The following PLCB1 variants were observed in gnomAD, a reference collection of about 807,000 sequenced individuals.
PLCB1 encodes the protein 1-phosphatidylinositol 4,5-bisphosphate phosphodiesterase beta-1.
In PLCB1, 46 loss-of-function variants were observed where a neutral mutation model predicts 161.8. The ratio of observed to expected loss-of-function variants is 0.28; its 90% CI spans 0.22 to 0.36. The LOEUF is 0.36. Ranked by LOEUF, PLCB1 falls within the 10% of genes least tolerant of loss-of-function variation. The pLI, the probability that PLCB1 is intolerant of heterozygous loss-of-function variation, is 1.00. For missense variants in PLCB1, 1,016 were observed against 1,472.5 expected (o/e 0.69, Z 5.07); for synonymous variants, 517 against 503.7 (o/e 1.03, Z -0.35).
rs898944821 is a variant in PLCB1 at position 8,818,900 on chromosome 20, C to T, written c.3423+28639C>T. ...AGGCTGCAGTGAGCCAAGATTGTGC[C>T]ACTGCACTCTCCAGCCTGGGTGACA... is the stretch of plus-strand genomic sequence containing the variant. On this transcript the variant is annotated intron_variant, in intron 31 of 31. Coordinates refer to ENST00000338037, the MANE Select transcript of PLCB1 (RefSeq NM_015192.4). Among the ~76,000 whole-genome samples, 82 of 150,064 alleles carry T rather than the reference C, an allele frequency of 5.5e-4. 1 individual carries two copies. Among genetic ancestry groups the T allele is most frequent in the African/African-American group, 2.0e-3 (82 of 40,696 alleles).
intron 3 of PLCB1, among the ~76,000 whole-genome samples, chr20:8,527,226 A>G (rs1303714726): frequency 6.6e-6 from 1 of 152,150 alleles, no homozygotes; most frequent in Non-Finnish European, 1.5e-5. Flanking sequence ...AAATGAAATT[A>G]TGGATATAAA....
intron 3 of PLCB1, among the ~76,000 whole-genome samples, chr20:8,573,103 A>G (rs6055910): frequency 0.11 from 16,819 of 152,110 alleles, 1,235 homozygotes; most frequent in African/African-American, 0.19. Context: ...GGATAGCAGG[A>G]AAGTCCAAAA....
chr20:8,159,635 A>G (rs1366832322), intron 2 of PLCB1, among the ~76,000 whole-genome samples: 1 of 152,166 alleles, frequency 6.6e-6, no homozygotes, highest in African/African-American at 2.4e-5. Context: ...TTTCCCTTAT[A>G]AAACTGAATA....
intron 27 of PLCB1, among the ~76,000 whole-genome samples, chr20:8,784,789 C>A (rs1439038640): frequency 6.6e-6 from 1 of 152,160 alleles, no homozygotes; most frequent in Admixed American, 6.5e-5. Flanking sequence ...CATTAAGATG[C>A]TTTTTCCGGA....
At chr20:8,550,437 G>A (rs1020476339) in intron 3 of PLCB1, among the ~76,000 whole-genome samples, 1 of 152,044 alleles carries the variant, frequency 6.6e-6, no homozygotes, top group Non-Finnish European at 1.5e-5. Flanking sequence ...CATGAGATCT[G>A]ATGGTCATAT....
At chr20:8,844,761 A>G (rs1340213616) in intron 31 of PLCB1, among the ~76,000 whole-genome samples, 1 of 152,174 alleles carries the variant, frequency 6.6e-6, no homozygotes, top group Non-Finnish European at 1.5e-5. Flanking sequence ...CCAATAGATC[A>G]TCTTTCCTTT....
intron 3 of PLCB1, among the ~76,000 whole-genome samples, chr20:8,485,656 GC>G (rs1982687998): frequency 6.6e-6 from 1 of 152,222 alleles, no homozygotes; most frequent in Non-Finnish European, 1.5e-5. Flanking sequence ...GTGAACTTGG[GC>G]ATGAATGAGC....
rs146582888 is a variant in PLCB1 at position 8,741,672 on chromosome 20, A to G, written c.2523+99A>G. Reference sequence around the variant, plus strand: ...AATATCACATACCTTGGGAGAAGGAATAGCACATTGGAACAACACTTTCAT... The same window carrying G: ...AATATCACATACCTTGGGAGAAGGAGTAGCACATTGGAACAACACTTTCAT... On this transcript the variant is annotated intron_variant, in intron 23 of 31. Transcript: ENST00000338037. 9.8e-6 allele frequency: 7 copies of G among 711,214 alleles called. No homozygotes were observed. In the East Asian group the frequency reaches 1.9e-4, roughly 20 times the overall value. The allele number at this position is 711,214 out of a possible 1,614,324, so 44.1% of individuals were successfully genotyped here.
chr20:8,187,295 T>C (rs2051915914), intron 2 of PLCB1, among the ~76,000 whole-genome samples: 1 of 152,098 alleles, frequency 6.6e-6, no homozygotes, highest in Non-Finnish European at 1.5e-5. Context: ...CACCCTTTAT[T>C]CCTGTATTAG....
chr20:8,157,494 A>G (rs1026796318), intron 2 of PLCB1, among the ~76,000 whole-genome samples: 3 of 152,164 alleles, frequency 2.0e-5, no homozygotes, highest in Non-Finnish European at 4.4e-5. Context: ...CTGAGGAACA[A>G]ATCTATCCTC....
intron 27 of PLCB1, among the ~76,000 whole-genome samples, chr20:8,785,673 G>A (rs1312041058): frequency 6.6e-6 from 1 of 152,102 alleles, no homozygotes; most frequent in Non-Finnish European, 1.5e-5. Flanking sequence ...CAGTGGTGTG[G>A]AGCCTGACAC....
At chr20:8,857,138 T>C (rs1335078355) in intron 31 of PLCB1, among the ~76,000 whole-genome samples, 1 of 152,178 alleles carries the variant, frequency 6.6e-6, no homozygotes, top group Non-Finnish European at 1.5e-5. Flanking sequence ...CGCCCAGGCT[T>C]GTTCACTTGC....
At chr20:8,726,457 G>A (rs537988587) in intron 16 of PLCB1, among the ~76,000 whole-genome samples, 7 of 152,194 alleles carry the variant, frequency 4.6e-5, no homozygotes, top group African/African-American at 1.7e-4. Flanking sequence ...AAGAAAAGAG[G>A]TTTAGTTGAC....
chr20:8,622,147 G>A (rs1005903367), intron 3 of PLCB1, among the ~76,000 whole-genome samples: 3 of 151,886 alleles, frequency 2.0e-5, no homozygotes, highest in African/African-American at 2.4e-5. Context: ...CCAGCTACTC[G>A]GGAGGCTGAG....
At chr20:8,857,352 A>C (rs6039307) in intron 31 of PLCB1, among the ~76,000 whole-genome samples, 44,057 of 152,128 alleles carry the variant, frequency 0.29, 6,596 homozygotes, top group Middle Eastern at 0.41. Context: ...AAAAAATTTA[A>C]ATAAAGTATA....
At position 8,132,726 on chromosome 20, in the gene PLCB1, C is replaced by G; in HGVS notation, c.75C>G (p.Gly25=). ...PVCVSDSLKK[G]TKFVKWDDDS... ...GCGTGTCCGACAGCCTCAAGAAGGGCACCAAATTCGTCAAGTGGGATGATG... is the reference window on the plus strand; with the variant it reads ...GCGTGTCCGACAGCCTCAAGAAGGGGACCAAATTCGTCAAGTGGGATGATG... Residue 25 remains glycine (G), a synonymous_variant, in exon 1 of 32, where the codon GGC becomes GGG. Coordinates refer to ENST00000338037, the MANE Select transcript of PLCB1 (RefSeq NM_015192.4). This position sits in a 1 kb window ranked among gnomAD's most constrained non-coding sequence, Gnocchi z 5.2. 1 of 1,612,536 alleles carries G rather than the reference C, an allele frequency of 6.2e-7. No homozygotes were observed. The highest frequency in any genetic ancestry group is 2.2e-5 in the East Asian group (1 of 44,828).
chr20:8,760,501 G>T, intron 25 of PLCB1, 41 bp downstream of exon 25: 1 of 1,332,750 alleles, frequency 7.5e-7, no homozygotes, highest in Non-Finnish European at 1.1e-6. Flanking sequence ...AAGCAGCTCA[G>T]TGTTACACAG....
Position 8,564,994 on chromosome 20 carries a change from C to G in PLCB1, c.247-63300C>G, listed in dbSNP as rs12624673. ...CAGCAATCCCATTACTGGGTATATA[C>G]GCAAAGGATTATAAATCATTCTACT... On this transcript the variant is annotated intron_variant, in intron 3 of 31. Transcript: ENST00000338037. Among the ~76,000 whole-genome samples, 824 of 152,230 alleles carry G rather than the reference C, an allele frequency of 5.4e-3. 51 individuals carry two copies. In the East Asian group the frequency reaches 0.12, roughly 22 times the overall value.
chr20:8,152,733 G>T (rs917811580), intron 2 of PLCB1, among the ~76,000 whole-genome samples: 1 of 151,926 alleles, frequency 6.6e-6, no homozygotes, highest in Non-Finnish European at 1.5e-5. Flanking sequence ...ATTGTAATAT[G>T]CCTCTCTTCT....
Sources: allele counts gnomAD v4.1 joint callset (sites outside exome capture counted in the v4.1 genomes callset), GRCh38; gene constraint gnomAD v4.1.1; non-coding constraint Gnocchi (gnomAD v3.1); transcripts MANE v1.5; gene names NCBI Gene and HGNC (gene_info 2026-07-23, HGNC 2026-07-21).